The following ANKRD30B variants were observed in gnomAD, a reference collection of about 807,000 sequenced individuals.
ANKRD30B encodes ankyrin repeat domain 30B.
In ANKRD30B, 144 loss-of-function variants were observed where a neutral mutation model predicts 202.2. The ratio of observed to expected loss-of-function variants is 0.71; its 90% CI spans 0.62 to 0.82. ANKRD30B has a LOEUF of 0.82. ANKRD30B is among the 40% of genes least tolerant of loss of function. The probability of loss-of-function intolerance (pLI) is 0.00; values close to 1 mark genes in which losing one functional copy is unlikely to be tolerated. For missense variants in ANKRD30B, 1,487 were observed against 1,669.1 expected, an observed-to-expected ratio of 0.89 and a Z score of 1.90; for synonymous variants, 508 against 561.3, an observed-to-expected ratio of 0.91 and a Z score of 1.34.
chr18:14,842,099 T>G (rs1971442548), intron 37 of ANKRD30B, among the ~76,000 whole-genome samples: 1 of 152,098 alleles, frequency 6.6e-6, no homozygotes, highest in Admixed American at 6.5e-5. Flanking sequence ...TCTAAAATTG[T>G]TTTTTAAAAT....
chr18:14,818,853 T>G (rs961651171), intron 30 of ANKRD30B, among the ~76,000 whole-genome samples: 2 of 151,944 alleles, frequency 1.3e-5, no homozygotes, highest in Admixed American at 6.6e-5. Flanking sequence ...GCAGCATGAT[T>G]TATAGTCCTT....
chr18:14,832,618 C>T lies in ANKRD30B; in HGVS notation c.2847+1163C>T, dbSNP rs71350507. On this transcript the variant is annotated intron_variant, in intron 34 of 43. Transcript: ENST00000690538. ...TCTTGCCTGTAAAAAGCATTTTAAG[C>T]GGTTTTCAATGTGAATAAATAAGCA... Among the ~76,000 whole-genome samples the T allele has an allele frequency of 7.7e-3, 1,178 of 152,080 alleles. 6 individuals carry two copies. The highest frequency in any genetic ancestry group is 0.024 in the Middle Eastern group (7 of 294).
rs557314794 is a variant in ANKRD30B, at chr18:14,818,796, A to G, written c.2642-3687A>G. Among the ~76,000 whole-genome samples, 5 of 152,000 alleles carry G rather than the reference A, an allele frequency of 3.3e-5. No individual in the cohort carries two copies. The South Asian group carries it at 8.3e-4, about 25-fold the overall frequency. On this transcript the variant is annotated intron_variant, in intron 30 of 43. Transcript: ENST00000690538. ...TTTGGGTTGGTTCCAAGTCTTTGCT[A>G]TTGTGAATAATGCTGCAATAAACAT...
At chr18:14,755,657 G>A (rs1914222764) in intron 4 of ANKRD30B, among the ~76,000 whole-genome samples, 1 of 152,044 alleles carries the variant, frequency 6.6e-6, no homozygotes, top group African/African-American at 2.4e-5. Flanking sequence ...TGTGGTGTTT[G>A]GTTTTTTGTC....
Position 14,791,080 on chromosome 18 carries a change from G to A in ANKRD30B, c.1735-321G>A, listed in dbSNP as rs753644855. Among the ~76,000 whole-genome samples the A allele has an allele frequency of 1.1e-4, 17 of 152,228 alleles. 1 individual carries two copies. In the East Asian group the frequency reaches 1.2e-3, roughly 10 times the overall value. ...GCCACAATTTCAGATCCTGTTATTC[G>A]TCTATTCAGAGATTCAACTTATTCC... On this transcript the variant is annotated intron_variant, in intron 15 of 43. Transcript: ENST00000690538.
chr18:14,855,800 G>A (rs373963733), downstream of ANKRD30B, among the ~76,000 whole-genome samples: 51 of 145,580 alleles, frequency 3.5e-4, no homozygotes, highest in African/African-American at 1.3e-3. Context: ...AGGCAGAGGT[G>A]CTCCTCATTT....
chr18:14,855,646 G>T (rs931584626), downstream of ANKRD30B, among the ~76,000 whole-genome samples: 2 of 150,342 alleles, frequency 1.3e-5, no homozygotes, highest in African/African-American at 4.9e-5. Flanking sequence ...CCAGGCAGAG[G>T]CACTCCTCAC....
chr18:14,934,980 C>T, the ANKRD30B span, among the ~76,000 whole-genome samples: 1 of 151,988 alleles, frequency 6.6e-6, no homozygotes, highest in South Asian at 2.1e-4. Flanking sequence ...TACAGATGCC[C>T]TGCACCCTCC....
intron 10 of ANKRD30B, 41 bp from the exon 11 acceptor site, chr18:14,779,919 A>AG: frequency 2.2e-6 from 3 of 1,347,530 alleles, no homozygotes; most frequent in Non-Finnish European, 3.1e-6. Context: ...ATTTATAATA[A>AG]GGAATGCTCT....
downstream of ANKRD30B, among the ~76,000 whole-genome samples, chr18:14,856,202 G>A (rs1476706254): frequency 7.3e-5 from 10 of 136,944 alleles, no homozygotes; most frequent in East Asian, 1.1e-3. Flanking sequence ...TGTGTCATCC[G>A]TGAAGAGGCG....
the ANKRD30B span, among the ~76,000 whole-genome samples, chr18:14,938,477 T>G: frequency 6.6e-6 from 1 of 152,192 alleles, no homozygotes; most frequent in Non-Finnish European, 1.5e-5. Flanking sequence ...TTCAGGCATC[T>G]TGGCTGGCCA....
At chr18:14,892,559 C>T in the ANKRD30B span, among the ~76,000 whole-genome samples, 25 of 150,392 alleles carry the variant, frequency 1.7e-4, no homozygotes, top group African/African-American at 5.6e-4. Flanking sequence ...GCCAACATGG[C>T]GAAACCCCGT....
At chr18:14,894,209 A>G in the ANKRD30B span, among the ~76,000 whole-genome samples, 1 of 152,170 alleles carries the variant, frequency 6.6e-6, no homozygotes, top group African/African-American at 2.4e-5. Flanking sequence ...CCTGTATCAC[A>G]CTTGGAATGA....
At chr18:14,928,814 G>C in the ANKRD30B span, among the ~76,000 whole-genome samples, 2 of 152,038 alleles carry the variant, frequency 1.3e-5, no homozygotes, top group Non-Finnish European at 2.9e-5. Flanking sequence ...TCTTAAATCT[G>C]TCTCATTGAC....
At chr18:14,816,731 G>T (rs1970129235) in intron 30 of ANKRD30B, 1 of 151,676 alleles carries the variant, frequency 6.6e-6, no homozygotes, top group African/African-American at 2.4e-5. Flanking sequence ...AACAACGCTA[G>T]ACTGGATTAA....
intron 37 of ANKRD30B, among the ~76,000 whole-genome samples, chr18:14,842,419 T>C (rs1349810370): frequency 6.6e-6 from 1 of 152,176 alleles, no homozygotes; most frequent in African/African-American, 2.4e-5. Flanking sequence ...CAGTTCTGCA[T>C]TCAGCTGAAC....
At position 14,763,700 on chromosome 18, in the gene ANKRD30B, G is replaced by A. The variant is rs768628829; in HGVS notation, c.835G>A (p.Gly279Arg). 9.9e-6 allele frequency: 16 copies of A among 1,613,878 alleles called. No homozygotes were observed. The South Asian group carries it at 1.5e-4, about 16-fold the overall frequency. Reference protein sequence around the residue: ...QNTNPEGTSTGTPDEAAPLAE... With the variant: ...QNTNPEGTSTRTPDEAAPLAE... ...GTGTTTGGCAGAAGGAACATCTACA[G>A]GAACACCTGATGAGGCTGCACCCTT... The change falls in exon 7 of 44, where the codon GGA (glycine) becomes AGA (arginine). Residue 279 changes from glycine (G) to arginine (R), a missense_variant. Gly to Arg is a moderately radical substitution (Grantham distance 125, BLOSUM62 -2). Around this residue, in one of 6 missense-constraint regions of ANKRD30B, gnomAD observed 889 missense variants for 841.4 expected, o/e 1.06. Coordinates refer to ENST00000690538, the MANE Select transcript of ANKRD30B (RefSeq NM_001367607.2).
At chr18:14,797,213 C>G (rs570016343) in intron 18 of ANKRD30B, among the ~76,000 whole-genome samples, 145 of 152,170 alleles carry the variant, frequency 9.5e-4, no homozygotes, top group African/African-American at 3.2e-3. Context: ...CAGGTACCCC[C>G]CCATGCGTCT....
intron 15 of ANKRD30B, among the ~76,000 whole-genome samples, chr18:14,791,124 G>A (rs1237882401): frequency 6.6e-6 from 1 of 152,034 alleles, no homozygotes; most frequent in Non-Finnish European, 1.5e-5. Context: ...TCTTGGGAGG[G>A]TGTATGTGTT....
Sources: gnomAD v4.1 joint callset for allele counts (sites outside exome capture counted in the v4.1 genomes callset) on GRCh38, gnomAD v4.1.1 for gene constraint, gnomAD v4.1.1 regional missense constraint, MANE v1.5 for transcripts, NCBI Gene and HGNC (gene_info 2026-07-23, HGNC 2026-07-21) for gene names.